RLN2: variants seen among roughly 807,000 people sequenced by gnomAD.
RLN2 encodes prorelaxin H2.
RLN2 carries 10 observed loss-of-function variants against 7.3 expected under a neutral mutation model. The ratio of observed to expected loss-of-function variants is 1.36; its 90% CI spans 0.84 to 2.31. The LOEUF is 2.31. Ranked by LOEUF, RLN2 falls within the 30% of genes most tolerant of loss-of-function variation. The probability of loss-of-function intolerance (pLI) is 0.00; values close to 1 mark genes in which losing one functional copy is unlikely to be tolerated. For synonymous variants in RLN2, 103 were observed against 82.3 expected, an observed-to-expected ratio of 1.25 and a Z score of -1.36; for missense variants, 298 against 217.6, an observed-to-expected ratio of 1.37 and a Z score of -2.32.
At chr9:5,309,648 C>T (rs1816313225), upstream of RLN2, among the ~76,000 whole-genome samples, 1 of 152,058 alleles carries the variant, frequency 6.6e-6, no homozygotes, top group Non-Finnish European at 1.5e-5. Context: ...CCATCTCTTA[C>T]ACACTCAGCA....
At chr9:5,326,724 T>G in the RLN2 span, among the ~76,000 whole-genome samples, 1 of 152,034 alleles carries the variant, frequency 6.6e-6, no homozygotes, top group Non-Finnish European at 1.5e-5. Context: ...GCTTCAAAAT[T>G]TTTATAAAGT....
the RLN2 span, chr9:5,311,738 T>A: frequency 1.9e-6 from 2 of 1,039,856 alleles, no homozygotes; most frequent in Admixed American, 1.7e-5. Context: ...TTTTGATAAC[T>A]GTATACTTCT....
At chr9:5,329,324 A>AAG in the RLN2 span, among the ~76,000 whole-genome samples, 3 of 150,474 alleles carry the variant, frequency 2.0e-5, no homozygotes, top group East Asian at 3.9e-4. Context: ...AAAAAAAAAA[A>AAG]AAAAAGAAAA....
the RLN2 span, among the ~76,000 whole-genome samples, chr9:5,331,694 C>T: frequency 2.0e-5 from 3 of 151,962 alleles, no homozygotes; most frequent in South Asian, 2.1e-4. Flanking sequence ...GGAGGGATAG[C>T]ATTAGGAGAA....
chr9:5,304,952 A>T (rs1422166429), upstream of RLN2: 1 of 207,498 alleles, frequency 4.8e-6, no homozygotes, highest in Non-Finnish European at 9.8e-6. Flanking sequence ...CCTTTTACAC[A>T]CACAGAAACA....
upstream of RLN2, among the ~76,000 whole-genome samples, chr9:5,307,132 T>A (rs1816265314): frequency 6.6e-6 from 1 of 151,848 alleles, no homozygotes; most frequent in Non-Finnish European, 1.5e-5. Context: ...GCTGGCAACA[T>A]TGAGGGGCTA....
chr9:5,308,408 A>G (rs546259416), upstream of RLN2, among the ~76,000 whole-genome samples: 38 of 152,158 alleles, frequency 2.5e-4, no homozygotes, highest in African/African-American at 9.2e-4. Context: ...CCCAGTAATC[A>G]TCACCCAGGC....
chr9:5,313,610 A>G, the RLN2 span, among the ~76,000 whole-genome samples: 1 of 152,042 alleles, frequency 6.6e-6, no homozygotes, highest in Non-Finnish European at 1.5e-5. Flanking sequence ...TGACAATTTG[A>G]TACATGCATA....
At chr9:5,301,265 G>A (rs1816123565) in intron 1 of RLN2, among the ~76,000 whole-genome samples, 1 of 152,168 alleles carries the variant, frequency 6.6e-6, no homozygotes, top group African/African-American at 2.4e-5. Flanking sequence ...ATCCCAGGCT[G>A]GCCAAATGTG....
chr9:5,307,314 A>AGAT (rs1024741641), upstream of RLN2, among the ~76,000 whole-genome samples: 4 of 146,148 alleles, frequency 2.7e-5, no homozygotes, highest in African/African-American at 5.3e-5. Context: ...GATAGATGAT[A>AGAT]GATAGATAGT....
chr9:5,304,869 T>G, upstream of RLN2: 1 of 425,484 alleles, frequency 2.4e-6, no homozygotes, highest in Non-Finnish European at 4.3e-6. Context: ...CTTTTACAGT[T>G]GTGTTCTTCT....
the RLN2 span, among the ~76,000 whole-genome samples, chr9:5,336,289 C>T: frequency 6.6e-6 from 1 of 152,048 alleles, no homozygotes; most frequent in Admixed American, 6.6e-5. Context: ...AGAAGAGATT[C>T]ATATGTGCTG....
At chr9:5,330,637 C>CAAAAAAAAAAAAAA in the RLN2 span, among the ~76,000 whole-genome samples, 4 of 74,720 alleles carry the variant, frequency 5.4e-5, no homozygotes, top group African/African-American at 1.6e-4. Flanking sequence ...GACTCCATCT[C>CAAAAAAAAAAAAAA]AAAAAAAAAA....
chr9:5,320,077 C>T, the RLN2 span, among the ~76,000 whole-genome samples: 4 of 151,098 alleles, frequency 2.6e-5, 1 homozygote, highest in African/African-American at 9.7e-5. Context: ...CCTCTGCCTC[C>T]CGGATTCAAG....
the RLN2 span, among the ~76,000 whole-genome samples, chr9:5,325,660 A>G: frequency 1.3e-5 from 2 of 152,088 alleles, no homozygotes; most frequent in Non-Finnish European, 2.9e-5. Flanking sequence ...AACAAGATAT[A>G]CTACTTATAA....
rs753451533 is a variant in RLN2 at position 5,300,107 on chromosome 9, T to C, written c.549A>G (p.Arg183=). 8.8e-6 allele frequency: 14 copies of C among 1,593,190 alleles called. No individual in the cohort carries two copies. The Admixed American group carries it at 2.2e-4, about 25-fold the overall frequency. ...HVGCTKRSLA[R]FC ...CACAATTAGCTTCATCTCAGCAAAA[T>C]CTAGCAAGAGATCTTTTGGTACAAC... Residue 183 remains arginine (R), a synonymous_variant, in exon 2 of 2, where the codon AGA becomes AGG. Transcript: ENST00000381627.
chr9:5,306,102 G>GTTTT (rs57304439), upstream of RLN2, among the ~76,000 whole-genome samples: 1 of 123,436 alleles, frequency 8.1e-6, no homozygotes, highest in African/African-American at 3.3e-5. Flanking sequence ...CTTTGTTTTT[G>GTTTT]TTTTTTGTTT....
the RLN2 span, among the ~76,000 whole-genome samples, chr9:5,310,334 T>C: frequency 1.3e-5 from 2 of 152,024 alleles, no homozygotes; most frequent in Non-Finnish European, 2.9e-5. Flanking sequence ...TGTGTTTGTG[T>C]GTAGGACTTT....
At chr9:5,301,159 C>T (rs1222303489) in intron 1 of RLN2, among the ~76,000 whole-genome samples, 1 of 152,206 alleles carries the variant, frequency 6.6e-6, no homozygotes, top group East Asian at 1.9e-4. Flanking sequence ...TGTGTACTGA[C>T]TAATGTTTTC....
Sources: allele counts gnomAD v4.1 joint callset (sites outside exome capture counted in the v4.1 genomes callset), GRCh38; gene constraint gnomAD v4.1.1; transcripts MANE v1.5; gene names NCBI Gene and HGNC (gene_info 2026-07-23, HGNC 2026-07-21).